Variants in MON1A observed in about 807,000 individuals in gnomAD.
MON1A encodes the protein MON1 vesicular trafficking associated A.
Under a neutral mutation model 44.6 loss-of-function variants are expected in MON1A, and 29 were observed. The observed-to-expected ratio is 0.65, with a 90% CI of 0.48 to 0.89. The LOEUF (loss-of-function observed/expected upper bound fraction) is 0.89. MON1A is among the 40% of genes least tolerant of loss of function. The pLI, the probability that MON1A is intolerant of heterozygous loss-of-function variation, is 0.00. For synonymous variants in MON1A, 275 were observed against 316.4 expected (o/e 0.87, Z 1.39); for missense variants, 615 against 759.6 (o/e 0.81, Z 2.24).
rs1444592848 is a variant in MON1A, at chr3:49,929,790, C to A, written c.-195G>T. 6.5e-7 allele frequency: 1 copy of A among 1,548,136 alleles called. No homozygotes were observed. The highest frequency in any genetic ancestry group is 8.7e-7 in the Non-Finnish European group (1 of 1,146,706). ...CACCGCTCCCTCCCACCGCCCTCAC[C>A]CGGCCGCCGGTGCAGGAAGATAGCT... On this transcript the variant is annotated 5_prime_UTR_variant, in exon 1 of 6. Transcript: ENST00000296473.
chr3:49,920,811 C>T (rs1299993318), intron 1 of MON1A: 1 of 150,942 alleles, frequency 6.6e-6, no homozygotes, highest in African/African-American at 2.4e-5. Flanking sequence ...GCACTCTAGC[C>T]TGGGTAGCAG....
chr3:49,917,275 T>C (rs576843643), intron 1 of MON1A, among the ~76,000 whole-genome samples: 1 of 151,554 alleles, frequency 6.6e-6, no homozygotes, highest in Admixed American at 6.6e-5. Flanking sequence ...TGCCCTACAT[T>C]TCTTTTCTTT....
Position 49,910,830 on chromosome 3 carries a change from G to A in MON1A, c.668C>T (p.Ala223Val). ...RRSPLVLVAV[A>V]RTRQSAQELA... is the part of the protein sequence containing the mutation. ...CTCTTGTGCCGACTGCCGCGTACGA[G>A]CCACCGCCACTAGCACCAGCGGGCT... Residue 223 changes from alanine (A) to valine (V), a missense_variant, in exon 4 of 6, where the codon GCT becomes GTT. By Grantham distance (64) the Ala-to-Val change is moderately conservative. Transcript: ENST00000296473. This position sits in a 1 kb window ranked among gnomAD's most constrained non-coding sequence, Gnocchi z 8.0. The A allele has an allele frequency of 6.2e-7, 1 of 1,609,934 alleles. No individual in the cohort carries two copies. The highest frequency in any genetic ancestry group is 8.5e-7 in the Non-Finnish European group (1 of 1,177,634).
chr3:49,926,510 G>A (rs2083052481), intron 1 of MON1A, among the ~76,000 whole-genome samples: 1 of 152,164 alleles, frequency 6.6e-6, no homozygotes, highest in Non-Finnish European at 1.5e-5. Context: ...AGGCTGGAGT[G>A]CAGTGATGCA....
Position 49,919,901 on chromosome 3 carries a change from C to T in MON1A, c.-13-6542G>A, listed in dbSNP as rs556900432. 5.9e-5 allele frequency among the ~76,000 whole-genome samples: 9 copies of T among 152,146 alleles called. No individual in the cohort carries two copies. In the East Asian group the frequency reaches 7.7e-4, roughly 13 times the overall value. Reference sequence around the variant, plus strand: ...CCACTAGCACCCTATAGAAGCCATTCGGAACACATGCCTTCCACATCACCT... The same window carrying T: ...CCACTAGCACCCTATAGAAGCCATTTGGAACACATGCCTTCCACATCACCT... On this transcript the variant is annotated intron_variant, in intron 1 of 5. Transcript: ENST00000296473.
chr3:49,927,911 A>C (rs1232260500), intron 1 of MON1A, among the ~76,000 whole-genome samples: 2 of 151,422 alleles, frequency 1.3e-5, no homozygotes, highest in South Asian at 2.1e-4. Context: ...AAAAAAAAAA[A>C]CAACAAAAAA....
chr3:49,914,160 G>A (rs1417654948), intron 1 of MON1A, among the ~76,000 whole-genome samples: 3 of 148,196 alleles, frequency 2.0e-5, no homozygotes, highest in Admixed American at 6.8e-5. Context: ...GCGTAATCTC[G>A]GCTCACCGCA....
At chr3:49,914,580 C>G (rs1346797474) in intron 1 of MON1A, among the ~76,000 whole-genome samples, 2 of 129,462 alleles carry the variant, frequency 1.5e-5, no homozygotes. Flanking sequence ...TGGAGTCTTG[C>G]TCTCTCACCC....
rs749400074 is a variant in MON1A at position 49,911,560 on chromosome 3, C to T, written c.579G>A (p.Glu193=). Residue 193 remains glutamate, a synonymous_variant, in exon 3 of 6, where the codon GAG becomes GAA. Transcript: ENST00000296473. This position sits in a 1 kb window ranked among gnomAD's most constrained non-coding sequence, Gnocchi z 5.7. ...GVMVALVSFL[E]ADKNAIRSIH... ...TGGAGCGGATGGCGTTCTTGTCTGC[C>T]TCCAGGAAGGACACCAGGGCCACCA... 2.4e-5 allele frequency: 39 copies of T among 1,613,196 alleles called. No individual in the cohort carries two copies. The highest frequency in any genetic ancestry group is 2.9e-5 in the Non-Finnish European group (34 of 1,179,476).
intron 1 of MON1A, 96 bp downstream of exon 1, chr3:49,929,513 G>T: frequency 7.2e-7 from 1 of 1,387,472 alleles, no homozygotes; most frequent in Non-Finnish European, 1.0e-6. Flanking sequence ...TAGCGTTGAT[G>T]GCTGGAGGCC....
intron 1 of MON1A, chr3:49,924,551 C>T (rs1333689854): frequency 1.4e-5 from 4 of 287,102 alleles, no homozygotes; most frequent in African/African-American, 4.6e-5. Context: ...TCATGACGGG[C>T]GCCTGTAATC....
At position 49,909,323 on chromosome 3, in the gene MON1A, C is replaced by T. The variant is rs778965655; in HGVS notation, c.1457G>A (p.Arg486His). 6.8e-5 allele frequency: 109 copies of T among 1,613,926 alleles called. No homozygotes were observed. The highest frequency in any genetic ancestry group is 8.9e-5 in the East Asian group (4 of 44,896). ...GAGTGGGCGAGAGGCATTGTGGGCA[C>T]GACTGTGCAAGTACTGGTAGAGGCC... Reference protein sequence around the residue: ...LLGLYQYLHSRAHNASRPLKT... With the variant: ...LLGLYQYLHSHAHNASRPLKT... Residue 486 changes from arginine (R) to histidine (H), a missense_variant, in exon 5 of 6, where the codon CGT (arginine) becomes CAT (histidine). Transcript: ENST00000296473. The surrounding 1 kb of genome is among the most constrained non-coding windows in gnomAD (Gnocchi z 4.0).
intron 1 of MON1A, among the ~76,000 whole-genome samples, chr3:49,914,770 A>G (rs545406136): frequency 7.0e-6 from 1 of 143,346 alleles, no homozygotes; most frequent in African/African-American, 2.6e-5. Context: ...TTGGTCTTGA[A>G]CTCCTGACCT....
chr3:49,922,607 G>A (rs1436658146), intron 1 of MON1A, among the ~76,000 whole-genome samples: 1 of 150,224 alleles, frequency 6.7e-6, no homozygotes. Context: ...AGCAAGGAAG[G>A]GGAAGGAGGG....
intron 1 of MON1A, chr3:49,916,397 C>G (rs1398095964): frequency 6.6e-6 from 1 of 152,176 alleles, no homozygotes; most frequent in Admixed American, 6.5e-5. Flanking sequence ...TTCTTTTTGT[C>G]ACCTTTAAGC....
Position 49,910,969 on chromosome 3 carries a change from C to T in MON1A, c.614-85G>A. 7.6e-7 allele frequency: 1 copy of T among 1,310,082 alleles called. No homozygotes were observed. Among genetic ancestry groups the T allele is most frequent in the Non-Finnish European group, 1.0e-6 (1 of 957,188 alleles). 81.2% of individuals were successfully genotyped at this position (1,310,082 alleles called of 1,614,324 possible). A position where few individuals can be genotyped will look rare whatever the true frequency, so the allele number is the denominator to read the frequency against. ...CCTTCCAGCGCAGCTCTTCGCTTTC[C>T]CCATCCTTTCCTCGCTCAGAGCTCT... On this transcript the variant is annotated intron_variant, in intron 3 of 5. Coordinates refer to ENST00000296473, the MANE Select transcript of MON1A (RefSeq NM_032355.4). The surrounding 1 kb of genome is among the most constrained non-coding windows in gnomAD (Gnocchi z 8.0).
chr3:49,929,053 A>C (rs1163066251), intron 1 of MON1A, among the ~76,000 whole-genome samples: 2 of 152,178 alleles, frequency 1.3e-5, no homozygotes, highest in African/African-American at 4.8e-5. Context: ...TCTACTAAAA[A>C]AATACAAAAA....
chr3:49,911,979 C>T lies in MON1A; in HGVS notation c.160G>A (p.Ala54Thr). 2 of 1,601,654 alleles carry T rather than the reference C, an allele frequency of 1.2e-6. No individual in the cohort carries two copies. ...AGQEGAMFVH[A>T]RSYEDLTESE... is the part of the protein sequence containing the mutation. ...TCAGTCAGGTCCTCGTAGGAACGGG[C>T]ATGGACGAACATGGCACCCTCCTGG... is the stretch of plus-strand genomic sequence containing the variant. The change falls in exon 3 of 6, where the codon GCC becomes ACC. Residue 54 changes from alanine to threonine, a missense_variant. Ala to Thr is a moderately conservative substitution (Grantham distance 58). Transcript: ENST00000296473. The surrounding 1 kb of genome is among the most constrained non-coding windows in gnomAD (Gnocchi z 5.7).
At chr3:49,915,489 A>G (rs1466633488) in intron 1 of MON1A, among the ~76,000 whole-genome samples, 3 of 152,166 alleles carry the variant, frequency 2.0e-5, no homozygotes, top group African/African-American at 7.2e-5. Context: ...TGACTACAAC[A>G]CTGCACTCCA....
Sources: allele counts gnomAD v4.1 joint callset (sites outside exome capture counted in the v4.1 genomes callset), GRCh38; gene constraint gnomAD v4.1.1; non-coding constraint Gnocchi (gnomAD v3.1); transcripts MANE v1.5; gene names NCBI Gene and HGNC (gene_info 2026-07-23, HGNC 2026-07-21).